Variants in KAZN observed in about 807,000 individuals in gnomAD.
The protein encoded by KAZN is kazrin, periplakin interacting protein.
A neutral mutation model predicts 87.4 loss-of-function variants in KAZN; 40 were observed. The observed-to-expected ratio is 0.46, with a 90% CI of 0.36 to 0.60. KAZN has a LOEUF of 0.60. Among genes scored for constraint, KAZN ranks in the 20% least tolerant of loss-of-function variants. The probability of loss-of-function intolerance (pLI) is 0.00; values close to 1 mark genes in which losing one functional copy is unlikely to be tolerated. For missense variants in KAZN, 898 were observed against 1,073.9 expected, an observed-to-expected ratio of 0.84 and a Z score of 2.29; for synonymous variants, 466 against 458.3, an observed-to-expected ratio of 1.02 and a Z score of -0.22.
chr1:13,913,589 A>T (rs1639730956), intron 1 of KAZN, among the ~76,000 whole-genome samples: 1 of 152,130 alleles, frequency 6.6e-6, no homozygotes, highest in Non-Finnish European at 1.5e-5. Flanking sequence ...ATTCTTACAG[A>T]TTTGCAAATC....
rs2050124 is a variant in KAZN, at chr1:14,735,360, C to G, written c.226+136137C>G. 0.29 allele frequency among the ~76,000 whole-genome samples: 43,783 copies of G among 152,060 alleles called. 6,798 individuals carry two copies. The highest frequency in any genetic ancestry group is 0.44 in the Middle Eastern group (128 of 294). On this transcript the variant is annotated intron_variant, in intron 1 of 14. Transcript: ENST00000376030. This position sits in a 1 kb window ranked among gnomAD's most constrained non-coding sequence, Gnocchi z 4.3. Reference sequence around the variant, plus strand: ...CAGGCGTGAGCCACCGCGCCCGGCCCGTGCTGTTGTTTTCAAAGACACGTT... The same window carrying G: ...CAGGCGTGAGCCACCGCGCCCGGCCGGTGCTGTTGTTTTCAAAGACACGTT...
intron 2 of KAZN, among the ~76,000 whole-genome samples, chr1:14,972,614 C>T (rs79086997): frequency 0.012 from 1,812 of 151,966 alleles, 28 homozygotes; most frequent in African/African-American, 0.041. Flanking sequence ...TCCCGAGTTC[C>T]GGCGATTCTC....
intron 1 of KAZN, among the ~76,000 whole-genome samples, chr1:14,859,890 C>T (rs190481493): frequency 6.6e-6 from 1 of 152,292 alleles, no homozygotes; most frequent in East Asian, 1.9e-4. Context: ...GGACCATTCT[C>T]CCATGAAGCC....
intron 1 of KAZN, among the ~76,000 whole-genome samples, chr1:13,951,003 T>A (rs1349218638): frequency 1.3e-5 from 2 of 152,204 alleles, no homozygotes. Flanking sequence ...TGTTGGGAAA[T>A]GACCCTGCCT....
At position 14,599,626 on chromosome 1, in the gene KAZN, C is replaced by A. The variant is rs1459521824; in HGVS notation, c.226+403C>A. On this transcript the variant is annotated intron_variant, in intron 1 of 14. Coordinates refer to ENST00000376030, the MANE Select transcript of KAZN (RefSeq NM_201628.3). This position sits in a 1 kb window ranked among gnomAD's most constrained non-coding sequence, Gnocchi z 4.4. ...CCCCCCACTTCCTTAGGCTCCTTCCCAGAGAGAGCTCCGGGCTCTGCCGCC... is the reference window on the plus strand; with the variant it reads ...CCCCCCACTTCCTTAGGCTCCTTCCAAGAGAGAGCTCCGGGCTCTGCCGCC... Among the ~76,000 whole-genome samples, 1 of 152,194 alleles carries A rather than the reference C, an allele frequency of 6.6e-6. No individual in the cohort carries two copies. The highest frequency in any genetic ancestry group is 6.5e-5 in the Admixed American group (1 of 15,284).
intron 1 of KAZN, among the ~76,000 whole-genome samples, chr1:14,791,902 G>A (rs1645686267): frequency 6.6e-6 from 1 of 152,248 alleles, no homozygotes; most frequent in African/African-American, 2.4e-5. Context: ...TGATCTGCCA[G>A]CAGTGGGGAT....
intron 1 of KAZN, among the ~76,000 whole-genome samples, chr1:14,633,093 T>C (rs1383531385): frequency 2.0e-5 from 3 of 152,198 alleles, no homozygotes; most frequent in Admixed American, 6.5e-5. Flanking sequence ...ATTTTTGTAT[T>C]TTAAGTAGAT....
chr1:14,182,765 T>C (rs934561019), intron 2 of KAZN, among the ~76,000 whole-genome samples: 4 of 152,198 alleles, frequency 2.6e-5, no homozygotes, highest in Non-Finnish European at 5.9e-5. Context: ...TTAACACTGC[T>C]TCTTCTCTCA....
chr1:14,039,169 C>CA lies in KAZN; in HGVS notation c.92-141247dup, dbSNP rs5772558. Among the ~76,000 whole-genome samples, 539 of 122,504 alleles carry CA rather than the reference C, an allele frequency of 4.4e-3. 3 individuals carry two copies. The highest frequency in any genetic ancestry group is 0.014 in the South Asian group (50 of 3,608). 80.4% of individuals were successfully genotyped at this position (122,504 alleles called of 152,430 possible). ...CTGGCGTCAGAGTGAGACTCTGTCT[C>CA]AAAAAAAAAAAAAAAAAAAGTAGGA... On this transcript the variant is annotated intron_variant, in intron 1 of 16. Coordinates refer to the KAZN transcript ENST00000636203.
chr1:14,844,500 T>G (rs1648443559), intron 1 of KAZN, among the ~76,000 whole-genome samples: 1 of 152,192 alleles, frequency 6.6e-6, no homozygotes, highest in Non-Finnish European at 1.5e-5. Flanking sequence ...CAAAATAACA[T>G]CCTTCCTGGG....
intron 1 of KAZN, among the ~76,000 whole-genome samples, chr1:14,712,413 A>G (rs1370471548): frequency 6.6e-6 from 1 of 152,172 alleles, no homozygotes; most frequent in Non-Finnish European, 1.5e-5. Context: ...GGCCACTGAG[A>G]TGCTGTGTGG....
At chr1:14,369,605 C>T (rs1433867611) in intron 2 of KAZN, among the ~76,000 whole-genome samples, 2 of 152,082 alleles carry the variant, frequency 1.3e-5, no homozygotes, top group African/African-American at 4.8e-5. Flanking sequence ...TGATGGGTTG[C>T]GAATGATGAA....
chr1:15,066,564 A>T lies in KAZN; in HGVS notation c.1222+811A>T. ...CATTGCCGTTTCTTTCTTTATGAAA[A>T]AAAAGAAAAAAAGAAAATTGTTTCA... is the stretch of plus-strand genomic sequence containing the variant. On this transcript the variant is annotated intron_variant, in intron 8 of 14. Coordinates refer to ENST00000376030, the MANE Select transcript of KAZN (RefSeq NM_201628.3). The surrounding 1 kb of genome is among the most constrained non-coding windows in gnomAD (Gnocchi z 4.3). 1.0e-6 allele frequency: 1 copy of T among 984,886 alleles called. No homozygotes were observed. The highest frequency in any genetic ancestry group is 1.2e-6 in the Non-Finnish European group (1 of 829,380). 61.0% of individuals were successfully genotyped at this position (984,886 alleles called of 1,614,324 possible). A position where few individuals can be genotyped will look rare whatever the true frequency, so the allele number is the denominator to read the frequency against.
At chr1:14,366,878 G>C (rs568146730) in intron 2 of KAZN, among the ~76,000 whole-genome samples, 1 of 152,308 alleles carries the variant, frequency 6.6e-6, no homozygotes, top group East Asian at 1.9e-4. Flanking sequence ...TCAGCATCCA[G>C]GAAAAATCAG....
chr1:14,506,578 G>C (rs916258307), intron 2 of KAZN, among the ~76,000 whole-genome samples: 2 of 152,240 alleles, frequency 1.3e-5, no homozygotes, highest in Non-Finnish European at 2.9e-5. Flanking sequence ...CCTTTCAACT[G>C]CCAAAGTGGG....
At chr1:14,219,261 A>T (rs1326378918) in intron 2 of KAZN, among the ~76,000 whole-genome samples, 5 of 152,138 alleles carry the variant, frequency 3.3e-5, no homozygotes, top group Admixed American at 6.6e-5. Flanking sequence ...GAGGACAAAG[A>T]TTACTTTTGA....
At chr1:14,725,303 G>A (rs1643323589) in intron 1 of KAZN, among the ~76,000 whole-genome samples, 1 of 152,088 alleles carries the variant, frequency 6.6e-6, no homozygotes, top group African/African-American at 2.4e-5. Flanking sequence ...CATCAGGGCA[G>A]CCTACCTGGG....
chr1:14,584,702 T>C (rs1675749334), intron 2 of KAZN, among the ~76,000 whole-genome samples: 1 of 151,932 alleles, frequency 6.6e-6, no homozygotes, highest in Admixed American at 6.6e-5. Context: ...TGGAGTGCAA[T>C]GGCACAATCT....
At chr1:14,068,971 G>C (rs1643129975) in intron 1 of KAZN, among the ~76,000 whole-genome samples, 1 of 152,004 alleles carries the variant, frequency 6.6e-6, no homozygotes, top group Non-Finnish European at 1.5e-5. Flanking sequence ...GTTAATTTTT[G>C]TATTTTTAGT....
Sources: allele counts gnomAD v4.1 joint callset (sites outside exome capture counted in the v4.1 genomes callset), GRCh38; gene constraint gnomAD v4.1.1; non-coding constraint Gnocchi (gnomAD v3.1); transcripts MANE v1.5; gene names NCBI Gene and HGNC (gene_info 2026-07-23, HGNC 2026-07-21).